The following LUZP1 variants were observed in gnomAD, a reference collection of about 807,000 sequenced individuals.
The protein encoded by LUZP1 is leucine zipper protein 1, also known as filamin mechanobinding actin cross-linking protein.
A neutral mutation model predicts 71.3 loss-of-function variants in LUZP1; 25 were observed. The observed-to-expected ratio is 0.35, with a 90% CI of 0.26 to 0.49. The LOEUF (loss-of-function observed/expected upper bound fraction) is 0.49. Among genes scored for constraint, LUZP1 ranks in the 20% least tolerant of loss-of-function variants. LUZP1 has a pLI of 0.99. For synonymous variants in LUZP1, 481 were observed against 506.4 expected (o/e 0.95, Z 0.67); for missense variants, 1,142 against 1,300.8 (o/e 0.88, Z 1.88).
At chr1:23,113,392 G>A (rs1053586666) in intron 2 of LUZP1, among the ~76,000 whole-genome samples, 1 of 151,756 alleles carries the variant, frequency 6.6e-6, no homozygotes. Flanking sequence ...GGGCGACTGA[G>A]TGAAACCCTG....
At chr1:23,149,637 T>C (rs894955041) in intron 2 of LUZP1, among the ~76,000 whole-genome samples, 3 of 151,818 alleles carry the variant, frequency 2.0e-5, no homozygotes, top group Admixed American at 2.0e-4. Context: ...AGTGAGTGAG[T>C]GTAAAAGCAA....
chr1:23,103,713 G>C (rs779059445), intron 3 of LUZP1, among the ~76,000 whole-genome samples: 1 of 151,520 alleles, frequency 6.6e-6, no homozygotes, highest in Non-Finnish European at 1.5e-5. Context: ...CATGAGGTCA[G>C]AAGTGTAGTT....
chr1:23,104,312 G>A (rs947917928), intron 3 of LUZP1, among the ~76,000 whole-genome samples: 5 of 151,792 alleles, frequency 3.3e-5, no homozygotes, highest in African/African-American at 1.2e-4. Flanking sequence ...AGCCTCCCGA[G>A]TAGCTGGGAT....
At chr1:23,089,148 A>G in intron 4 of LUZP1, 95 bp from the exon 4 acceptor site, 1 of 1,222,176 alleles carries the variant, frequency 8.2e-7, no homozygotes, top group African/African-American at 1.5e-5. Context: ...TTTCCAACCC[A>G]GCAGAGGCAG....
chr1:23,157,641 A>C (rs1644430172), intron 2 of LUZP1, among the ~76,000 whole-genome samples: 4 of 152,064 alleles, frequency 2.6e-5, no homozygotes, highest in Admixed American at 2.0e-4. Context: ...AAATACAAAA[A>C]TTAGCCCAGC....
At chr1:23,115,413 G>C (rs561018397) in intron 2 of LUZP1, among the ~76,000 whole-genome samples, 246 of 152,302 alleles carry the variant, frequency 1.6e-3, no homozygotes, top group Non-Finnish European at 2.8e-3. Context: ...GTATAAACAA[G>C]ATCAGAATTA....
At chr1:23,134,868 G>A (rs555151549) in intron 2 of LUZP1, among the ~76,000 whole-genome samples, 44 of 152,050 alleles carry the variant, frequency 2.9e-4, no homozygotes, top group African/African-American at 9.9e-4. Context: ...TGCAGAATGC[G>A]CAGGTTGGTT....
chr1:23,117,113 T>C (rs1644085441), intron 2 of LUZP1, among the ~76,000 whole-genome samples: 1 of 152,206 alleles, frequency 6.6e-6, no homozygotes, highest in South Asian at 2.1e-4. Flanking sequence ...TTCCATTTTA[T>C]TGCTTCTAGG....
chr1:23,158,188 T>C (rs898201051), intron 2 of LUZP1, among the ~76,000 whole-genome samples: 1 of 152,228 alleles, frequency 6.6e-6, no homozygotes, highest in African/African-American at 2.4e-5. Flanking sequence ...TTTAAACTCA[T>C]ACTTCCATTA....
intron 2 of LUZP1, among the ~76,000 whole-genome samples, chr1:23,162,034 A>T: frequency 6.6e-6 from 1 of 151,460 alleles, no homozygotes; most frequent in Non-Finnish European, 1.5e-5. Context: ...AAAAAAAAAA[A>T]AAAAAAAAAA....
chr1:23,169,886 C>G (rs765283679), intron 1 of LUZP1, among the ~76,000 whole-genome samples: 28 of 152,138 alleles, frequency 1.8e-4, no homozygotes, highest in Non-Finnish European at 3.2e-4. Flanking sequence ...CATGGTTGGT[C>G]TCTTGAGACA....
At chr1:23,147,099 AAAT>A (rs371398665) in intron 2 of LUZP1, among the ~76,000 whole-genome samples, 44 of 144,520 alleles carry the variant, frequency 3.0e-4, no homozygotes, top group East Asian at 1.4e-3. Flanking sequence ...TCCGTCTCAA[AAAT>A]AATAATAATA....
rs778414535 is a variant in LUZP1 at position 23,091,615 on chromosome 1, G to C, written c.2647C>G (p.Pro883Ala). ...CTATTCCTCTCCACAGGATCCGATG[G>C]CTTGATTATAATGCTGCTCCGAGAG... The change falls in exon 4 of 5, where the codon CCA becomes GCA. Residue 883 changes from proline (P) to alanine (A), a missense_variant. Physicochemically the swap from Pro to Ala is conservative, Grantham distance 27. Coordinates refer to ENST00000302291, the Ensembl canonical transcript of LUZP1. 6.2e-7 allele frequency: 1 copy of C among 1,613,992 alleles called. No individual in the cohort carries two copies. The highest frequency in any genetic ancestry group is 1.1e-5 in the South Asian group (1 of 91,082).
At chr1:23,125,433 CTCTT>C (rs1644164722) in intron 2 of LUZP1, among the ~76,000 whole-genome samples, 1 of 152,118 alleles carries the variant, frequency 6.6e-6, no homozygotes, top group South Asian at 2.1e-4. Flanking sequence ...ATATCCTATT[CTCTT>C]TGTTTTTCTC....
intron 2 of LUZP1, among the ~76,000 whole-genome samples, chr1:23,145,828 T>G (rs1242763830): frequency 6.6e-6 from 1 of 152,108 alleles, no homozygotes; most frequent in Non-Finnish European, 1.5e-5. Flanking sequence ...TTCCTTTCCC[T>G]AGTTTACACA....
chr1:23,149,801 A>AAAATTT (rs1201394626), intron 2 of LUZP1, among the ~76,000 whole-genome samples: 53 of 151,930 alleles, frequency 3.5e-4, no homozygotes, highest in Non-Finnish European at 6.9e-4. Flanking sequence ...GTCTCTACTG[A>AAAATTT]AAATACAAAA....
At chr1:23,085,481 T>C (rs1643750166) in exon 5 of LUZP1, 1 of 152,474 alleles carries the variant, frequency 6.6e-6, no homozygotes, top group Admixed American at 6.5e-5. Flanking sequence ...AGCAGCTCTT[T>C]CCAAAGCAAT....
chr1:23,162,492 G>A (rs578203742), intron 2 of LUZP1, among the ~76,000 whole-genome samples: 1 of 150,006 alleles, frequency 6.7e-6, no homozygotes, highest in Non-Finnish European at 1.5e-5. Flanking sequence ...AGGCTGGAGT[G>A]CAGTGGCGTG....
At chr1:23,172,422 G>T (rs895367414) in intron 1 of LUZP1, among the ~76,000 whole-genome samples, 1 of 152,100 alleles carries the variant, frequency 6.6e-6, no homozygotes, top group Non-Finnish European at 1.5e-5. Context: ...GCTTTGGGTG[G>T]CCAAGGTGGG....
Sources: gnomAD v4.1 joint callset for allele counts (sites outside exome capture counted in the v4.1 genomes callset) on GRCh38, gnomAD v4.1.1 for gene constraint, MANE v1.5 for transcripts, NCBI Gene and HGNC (gene_info 2026-07-23, HGNC 2026-07-21) for gene names.